Variants in SLCO5A1 observed in about 807,000 individuals in gnomAD.
SLCO5A1 encodes the protein organic anion transporter polypeptide-related protein 4.
A neutral mutation model predicts 65.1 loss-of-function variants in SLCO5A1; 39 were observed. The observed-to-expected ratio is 0.60, with a 90% CI of 0.46 to 0.78. The LOEUF is 0.78. Ranked by LOEUF, SLCO5A1 falls within the 30% of genes least tolerant of loss-of-function variation. The probability of loss-of-function intolerance (pLI) is 0.00; values close to 1 mark genes in which losing one functional copy is unlikely to be tolerated. For synonymous variants in SLCO5A1, 438 were observed against 415.7 expected, an observed-to-expected ratio of 1.05 and a Z score of -0.65; for missense variants, 1,029 against 1,069.4, an observed-to-expected ratio of 0.96 and a Z score of 0.53.
At chr8:69,768,251 C>CAATATGAAT (rs1484461254) in intron 2 of SLCO5A1, among the ~76,000 whole-genome samples, 2 of 152,098 alleles carry the variant, frequency 1.3e-5, no homozygotes, top group Non-Finnish European at 2.9e-5. Context: ...GGGAGGCATT[C>CAATATGAAT]AATATGAATT....
At chr8:69,785,057 GAAGA>G (rs974672145) in intron 2 of SLCO5A1, among the ~76,000 whole-genome samples, 4 of 149,772 alleles carry the variant, frequency 2.7e-5, no homozygotes, top group South Asian at 2.1e-4. Context: ...AGAGAGAAAG[GAAGA>G]AAGGAAGGAA....
chr8:69,818,532 A>C (rs1820496390), intron 2 of SLCO5A1, among the ~76,000 whole-genome samples: 1 of 152,224 alleles, frequency 6.6e-6, no homozygotes, highest in African/African-American at 2.4e-5. Context: ...ATGTGAGAGG[A>C]GAGATCAATA....
At chr8:69,682,160 G>T (rs758332044) in intron 7 of SLCO5A1, 24 bp downstream of exon 7, 1 of 1,593,954 alleles carries the variant, frequency 6.3e-7, no homozygotes. Context: ...ACTAACAGAA[G>T]AGGAACTTGT....
rs1335489801 is a variant in SLCO5A1 at position 69,714,225 on chromosome 8, ACT to A, written c.1424-8998_1424-8997del. Among the ~76,000 whole-genome samples the A allele has an allele frequency of 2.0e-5, 3 of 152,276 alleles. No homozygotes were observed. The East Asian group carries it at 5.8e-4, about 29-fold the overall frequency. ...TAATTTAAGGTACCTTTTTCTTTGAACTCAGTGGCTGTTTAAGGCAGAGAACA... is the reference window on the plus strand; with the variant it reads ...TAATTTAAGGTACCTTTTTCTTTGAACAGTGGCTGTTTAAGGCAGAGAACA... On this transcript the variant is annotated intron_variant, in intron 5 of 9. Coordinates refer to ENST00000260126, the MANE Select transcript of SLCO5A1 (RefSeq NM_030958.3).
At chr8:69,778,128 T>C (rs193219361) in intron 2 of SLCO5A1, among the ~76,000 whole-genome samples, 22 of 152,212 alleles carry the variant, frequency 1.4e-4, no homozygotes, top group African/African-American at 4.8e-4. Flanking sequence ...ACAGTATATA[T>C]AGGGTTCAGT....
At chr8:69,712,620 A>G (rs1815321055) in intron 5 of SLCO5A1, among the ~76,000 whole-genome samples, 1 of 152,190 alleles carries the variant, frequency 6.6e-6, no homozygotes, top group Non-Finnish European at 1.5e-5. Flanking sequence ...TAAGACAACA[A>G]CAATGTGCTT....
At chr8:69,697,043 A>G (rs2130803386) in intron 6 of SLCO5A1, among the ~76,000 whole-genome samples, 1 of 152,362 alleles carries the variant, frequency 6.6e-6, no homozygotes, top group South Asian at 2.1e-4. Flanking sequence ...TAACAACAGT[A>G]CTAGAGAACA....
chr8:69,811,619 A>G (rs1284516135), intron 2 of SLCO5A1, among the ~76,000 whole-genome samples: 1 of 152,218 alleles, frequency 6.6e-6, no homozygotes, highest in Non-Finnish European at 1.5e-5. Context: ...GAGCAAGCTT[A>G]CTGTGTGAGG....
intron 5 of SLCO5A1, among the ~76,000 whole-genome samples, chr8:69,729,801 T>G (rs1407928791): frequency 6.6e-6 from 1 of 152,162 alleles, no homozygotes; most frequent in Admixed American, 6.5e-5. Flanking sequence ...AAGTTTCCAC[T>G]ACTTTACTCC....
chr8:69,709,446 G>T (rs1330904142), intron 5 of SLCO5A1, among the ~76,000 whole-genome samples: 1 of 152,206 alleles, frequency 6.6e-6, no homozygotes, highest in Non-Finnish European at 1.5e-5. Flanking sequence ...GGATAAATCC[G>T]TGGGTGAGTA....
At chr8:69,692,284 C>T (rs970046792) in intron 6 of SLCO5A1, among the ~76,000 whole-genome samples, 3 of 152,072 alleles carry the variant, frequency 2.0e-5, no homozygotes, top group African/African-American at 7.2e-5. Flanking sequence ...AAAAATGATA[C>T]ACCTGTATAG....
intron 2 of SLCO5A1, among the ~76,000 whole-genome samples, chr8:69,764,216 G>A (rs1329266136): frequency 1.3e-5 from 2 of 152,188 alleles, no homozygotes; most frequent in Non-Finnish European, 2.9e-5. Context: ...AAACTCAGAT[G>A]TTAAGAGTTC....
chr8:69,750,803 T>C (rs1319398564), intron 4 of SLCO5A1, among the ~76,000 whole-genome samples: 1 of 152,170 alleles, frequency 6.6e-6, no homozygotes, highest in Non-Finnish European at 1.5e-5. Context: ...TACATTTCCA[T>C]CTGTATTTGT....
chr8:69,682,072 T>A, intron 7 of SLCO5A1, 112 bp downstream of exon 7: 2 of 1,156,444 alleles, frequency 1.7e-6, no homozygotes, highest in Non-Finnish European at 2.4e-6. Flanking sequence ...GTAGGTTACT[T>A]GGAGCCTCTT....
chr8:69,725,170 A>C (rs1033313150), intron 5 of SLCO5A1, among the ~76,000 whole-genome samples: 1 of 152,160 alleles, frequency 6.6e-6, no homozygotes, highest in Non-Finnish European at 1.5e-5. Context: ...GACTCACTCA[A>C]GGCTACACAG....
rs1813353918 is a variant in SLCO5A1, at chr8:69,672,185, T to C, written c.*684A>G. 6.6e-6 allele frequency: 1 copy of C among 152,260 alleles called. No homozygotes were observed. The highest frequency in any genetic ancestry group is 1.5e-5 in the Non-Finnish European group (1 of 68,086). The allele number at this position is 152,260 out of a possible 1,614,324, so 9.4% of individuals were successfully genotyped here. ...TTATCTTAGGATGGGGCAGGCAGAC[T>C]GAAAGAGAATGTGTCCTACGACCTG... On this transcript the variant is annotated 3_prime_UTR_variant, in exon 10 of 10. Transcript: ENST00000260126.
chr8:69,705,340 T>A (rs1814924115), intron 5 of SLCO5A1, 111 bp from the exon 6 acceptor site: 1 of 822,698 alleles, frequency 1.2e-6, no homozygotes, highest in Non-Finnish European at 1.9e-6. Flanking sequence ...AAAGTTACTA[T>A]AATCAATACA....
chr8:69,821,484 GAAGAAGAAGAA>G (rs1291983610), intron 2 of SLCO5A1, among the ~76,000 whole-genome samples: 3 of 151,878 alleles, frequency 2.0e-5, no homozygotes, highest in Admixed American at 1.3e-4. Flanking sequence ...AGGACAAGGA[GAAGAAGAAGAA>G]AAGAAGAAGA....
At chr8:69,796,976 T>C (rs1319246478) in intron 2 of SLCO5A1, among the ~76,000 whole-genome samples, 3 of 152,194 alleles carry the variant, frequency 2.0e-5, no homozygotes, top group Non-Finnish European at 4.4e-5. Context: ...GACTTTATTG[T>C]ACATATCACT....
Sources: gnomAD v4.1 joint callset for allele counts (sites outside exome capture counted in the v4.1 genomes callset) on GRCh38, gnomAD v4.1.1 for gene constraint, MANE v1.5 for transcripts, NCBI Gene and HGNC (gene_info 2026-07-23, HGNC 2026-07-21) for gene names.